The following KAZN variants were observed in gnomAD, a reference collection of about 807,000 sequenced individuals.
KAZN encodes the protein kazrin, periplakin interacting protein, also known as kazrin.
A neutral mutation model predicts 87.4 loss-of-function variants in KAZN; 40 were observed. The observed-to-expected ratio is 0.46, with a 90% CI of 0.36 to 0.60. KAZN has a LOEUF of 0.60. KAZN is among the 20% of genes least tolerant of loss of function. The pLI is 0.00. For synonymous variants in KAZN, 466 were observed against 458.3 expected, an observed-to-expected ratio of 1.02 and a Z score of -0.22; for missense variants, 898 against 1,073.9, an observed-to-expected ratio of 0.84 and a Z score of 2.29.
At chr1:14,009,854 A>G (rs184276427) in intron 1 of KAZN, among the ~76,000 whole-genome samples, 1 of 152,184 alleles carries the variant, frequency 6.6e-6, no homozygotes, top group Non-Finnish European at 1.5e-5. Context: ...CTGAAGGAGA[A>G]CCCACTCTGT....
At chr1:14,788,546 C>G (rs1212037197) in intron 1 of KAZN, among the ~76,000 whole-genome samples, 1 of 152,062 alleles carries the variant, frequency 6.6e-6, no homozygotes, top group Non-Finnish European at 1.5e-5. Flanking sequence ...CTACCTCAGG[C>G]TTTTAGAGTG....
chr1:15,095,400 G>A (rs1304445120), intron 10 of KAZN, among the ~76,000 whole-genome samples: 1 of 152,138 alleles, frequency 6.6e-6, no homozygotes. Flanking sequence ...AGAGGAGCGG[G>A]CCAGGTGGAG....
intron 14 of KAZN, 196 bp downstream of exon 14, chr1:15,112,737 G>GCC (rs150305993): frequency 5.6e-6 from 3 of 533,234 alleles, no homozygotes; most frequent in Non-Finnish European, 1.0e-5. Context: ...AGTGCACAAA[G>GCC]CCCCCGCAGG....
At chr1:14,924,322 G>A (rs1658889879) in intron 1 of KAZN, 2 of 986,442 alleles carry the variant, frequency 2.0e-6, no homozygotes, top group Non-Finnish European at 2.4e-6. Context: ...CGCCGTCGGA[G>A]CCCCTCGCGC....
chr1:14,737,740 C>A (rs543913342), intron 1 of KAZN, among the ~76,000 whole-genome samples: 9 of 152,140 alleles, frequency 5.9e-5, no homozygotes, highest in Non-Finnish European at 1.2e-4. Flanking sequence ...TTCTTTGCAG[C>A]TGTAAGACTG....
chr1:14,998,814 T>G (rs1225822173), intron 2 of KAZN, among the ~76,000 whole-genome samples: 17 of 152,086 alleles, frequency 1.1e-4, no homozygotes, highest in Admixed American at 1.1e-3. Flanking sequence ...CCTCCCACAG[T>G]GCTGGGATTA....
intron 1 of KAZN, among the ~76,000 whole-genome samples, chr1:14,909,583 C>T (rs1465366635): frequency 1.3e-5 from 2 of 152,172 alleles, no homozygotes; most frequent in Admixed American, 6.5e-5. Context: ...CTTTCAAAGC[C>T]AGGGCCAAAT....
In KAZN at chr1:14,222,123, G is replaced by A. The variant is rs551794365; in HGVS notation, c.249+41531G>A. 6 of 152,292 alleles carry A rather than the reference G, an allele frequency of 3.9e-5. No homozygotes were observed. The South Asian group carries it at 1.0e-3, about 26-fold the overall frequency. 9.4% of individuals were successfully genotyped at this position (152,292 alleles called of 1,614,324 possible). On this transcript the variant is annotated intron_variant, in intron 2 of 16. Transcript: ENST00000636203. ...ATCTTCTCTCCTGAATAGAGAAATA[G>A]GTTAATTTGCTCCGGATTCTTTGAC...
intron 2 of KAZN, among the ~76,000 whole-genome samples, chr1:14,993,183 T>C (rs78627056): frequency 7.1e-6 from 1 of 140,106 alleles, no homozygotes; most frequent in African/African-American, 2.7e-5. Context: ...AAAAAAAAAA[T>C]CAGGCCAGGC....
At chr1:15,016,419 G>T (rs986247447) in intron 2 of KAZN, among the ~76,000 whole-genome samples, 2 of 152,124 alleles carry the variant, frequency 1.3e-5, no homozygotes, top group African/African-American at 4.8e-5. Flanking sequence ...CCGAGTAGCT[G>T]GGATTACAGG....
intron 1 of KAZN, among the ~76,000 whole-genome samples, chr1:14,714,786 C>CTTT (rs1307881138): frequency 3.0e-5 from 4 of 131,166 alleles, no homozygotes; most frequent in African/African-American, 8.6e-5. Context: ...TTTTCTTTTT[C>CTTT]TTTTTTTTTT....
Position 14,503,210 on chromosome 1 carries a change from G to A in KAZN, c.250-95773G>A, listed in dbSNP as rs190652083. Among the ~76,000 whole-genome samples, 43 of 152,048 alleles carry A rather than the reference G, an allele frequency of 2.8e-4. 1 individual carries two copies. Among genetic ancestry groups the A allele is most frequent in the Middle Eastern group, 3.4e-3 (1 of 294 alleles). On this transcript the variant is annotated intron_variant, in intron 2 of 16. Coordinates refer to the KAZN transcript ENST00000636203. ...TTAAGATTCAATGAACTGGCCGTGC[G>A]TGGTGGCTCGTGCCTGTAATCCCAG...
At chr1:14,796,095 T>C (rs1170334518) in intron 1 of KAZN, among the ~76,000 whole-genome samples, 1 of 152,220 alleles carries the variant, frequency 6.6e-6, no homozygotes, top group Non-Finnish European at 1.5e-5. Flanking sequence ...CTCTTCCTTC[T>C]TGGACTTGGC....
intron 1 of KAZN, among the ~76,000 whole-genome samples, chr1:13,984,555 T>C (rs1638919966): frequency 6.6e-6 from 1 of 152,166 alleles, no homozygotes; most frequent in Non-Finnish European, 1.5e-5. Context: ...GATGATAACC[T>C]TGTAAAGGTG....
chr1:14,866,461 G>T (rs932345440), intron 1 of KAZN, among the ~76,000 whole-genome samples: 29 of 152,302 alleles, frequency 1.9e-4, no homozygotes, highest in African/African-American at 5.8e-4. Flanking sequence ...TGGCACAGTG[G>T]CTCACACCTG....
intron 1 of KAZN, among the ~76,000 whole-genome samples, chr1:14,875,368 T>G (rs534770965): frequency 0.39 from 117 of 302 alleles, no homozygotes; most frequent in African/African-American, 0.45. Context: ...GTAAGACATT[T>G]TATGTAAATG....
intron 2 of KAZN, among the ~76,000 whole-genome samples, chr1:14,381,087 G>A (rs1347421359): frequency 6.6e-6 from 1 of 152,200 alleles, no homozygotes; most frequent in Non-Finnish European, 1.5e-5. Context: ...GCTATGGAGA[G>A]TATTGCCAAG....
intron 1 of KAZN, among the ~76,000 whole-genome samples, chr1:14,888,210 C>T (rs1414028774): frequency 6.6e-6 from 1 of 152,226 alleles, no homozygotes; most frequent in African/African-American, 2.4e-5. Flanking sequence ...GGCTCCCAGG[C>T]ACAGAGGCCT....
At chr1:14,227,446 G>C (rs1647392585) in intron 2 of KAZN, among the ~76,000 whole-genome samples, 1 of 152,094 alleles carries the variant, frequency 6.6e-6, no homozygotes, top group South Asian at 2.1e-4. Context: ...CACTCACCTG[G>C]CTCCTTGGCT....
Sources: allele counts gnomAD v4.1 joint callset (sites outside exome capture counted in the v4.1 genomes callset), GRCh38; gene constraint gnomAD v4.1.1; transcripts MANE v1.5; gene names NCBI Gene and HGNC (gene_info 2026-07-23, HGNC 2026-07-21).